ASAP1: variants seen among roughly 807,000 people sequenced by gnomAD.
The protein encoded by ASAP1 is ArfGAP with SH3 domain, ankyrin repeat and PH domain 1, also known as arf-GAP with SH3 domain, ANK repeat and PH domain-containing protein 1.
ASAP1 carries 43 observed loss-of-function variants against 145.2 expected under a neutral mutation model. The observed-to-expected ratio is 0.30, with a 90% CI of 0.23 to 0.38. The LOEUF (loss-of-function observed/expected upper bound fraction) is 0.38. Among genes scored for constraint, ASAP1 ranks in the 10% least tolerant of loss-of-function variants. ASAP1 has a pLI of 1.00. For missense variants in ASAP1, 1,018 were observed against 1,355.3 expected, an observed-to-expected ratio of 0.75 and a Z score of 3.91; for synonymous variants, 546 against 515.5, an observed-to-expected ratio of 1.06 and a Z score of -0.80.
At chr8:130,323,559 T>C (rs1467804827) in intron 3 of ASAP1, among the ~76,000 whole-genome samples, 1 of 152,152 alleles carries the variant, frequency 6.6e-6, no homozygotes, top group East Asian at 1.9e-4. Flanking sequence ...GCAGAAGAGC[T>C]GAAAGTTCTA....
chr8:130,203,816 C>G (rs1219082035), intron 5 of ASAP1, among the ~76,000 whole-genome samples: 1 of 152,188 alleles, frequency 6.6e-6, no homozygotes, highest in African/African-American at 2.4e-5. Flanking sequence ...GCTCTGGAGG[C>G]TTCTGGGACA....
At chr8:130,062,261 G>C (rs1474408108) in intron 27 of ASAP1, among the ~76,000 whole-genome samples, 1 of 152,182 alleles carries the variant, frequency 6.6e-6, no homozygotes, top group African/African-American at 2.4e-5. Context: ...TTAGGAATTT[G>C]ATCCTAAAAA....
intron 1 of ASAP1, among the ~76,000 whole-genome samples, chr8:130,440,504 CAA>C (rs1306930658): frequency 2.4e-4 from 27 of 111,598 alleles, no homozygotes; most frequent in Admixed American, 2.9e-4. Context: ...TAGACTCTGT[CAA>C]AAAAAAAAAA....
chr8:130,348,504 A>G (rs80068567), intron 3 of ASAP1, among the ~76,000 whole-genome samples: 4,268 of 152,282 alleles, frequency 0.028, 76 homozygotes, highest in Middle Eastern at 0.044. Flanking sequence ...AAACAGCACC[A>G]TGACAGAGGG....
intron 5 of ASAP1, among the ~76,000 whole-genome samples, chr8:130,188,629 G>C (rs1399835362): frequency 2.7e-5 from 4 of 150,340 alleles, no homozygotes; most frequent in Non-Finnish European, 5.9e-5. Flanking sequence ...AGCTACCTGG[G>C]AGGCTGAGGC....
Position 130,091,791 on chromosome 8 carries a change from T to C in ASAP1, c.2572+182A>G, listed in dbSNP as rs1297669145. Among the ~76,000 whole-genome samples, 5 of 152,206 alleles carry C rather than the reference T, an allele frequency of 3.3e-5. 1 individual carries two copies. Among genetic ancestry groups the C allele is most frequent in the Admixed American group, 3.3e-4 (5 of 15,276 alleles). ...TTTTAGTTTTTAATGGCCTAAATAT[T>C]TTTCAAAATGTTCCTTTCCCTTAAG... is the stretch of plus-strand genomic sequence containing the variant. On this transcript the variant is annotated intron_variant, in intron 25 of 29. Transcript: ENST00000518721.
intron 2 of ASAP1, among the ~76,000 whole-genome samples, chr8:130,365,521 C>T (rs1241341545): frequency 1.3e-5 from 2 of 152,150 alleles, no homozygotes; most frequent in East Asian, 1.9e-4. Context: ...GATAAAGTCA[C>T]ATTAACCTGA....
chr8:130,124,204 C>G lies in ASAP1; in HGVS notation c.1516-100G>C, dbSNP rs1216255747. ...TTTGAGATTTATGAATATGTATTTT[C>G]CCTCATTTGACTTAGAATACAAACC... On this transcript the variant is annotated intron_variant, in intron 17 of 29. Coordinates refer to ENST00000518721, the MANE Select transcript of ASAP1 (RefSeq NM_018482.4). The G allele has an allele frequency of 1.3e-5, 11 of 864,890 alleles. No individual in the cohort carries two copies. The East Asian group carries it at 2.9e-4, about 22-fold the overall frequency. The allele number at this position is 864,890 out of a possible 1,614,324, so 53.6% of individuals were successfully genotyped here.
intron 20 of ASAP1, among the ~76,000 whole-genome samples, chr8:130,117,389 AT>A (rs1421551465): frequency 6.6e-6 from 1 of 152,212 alleles, no homozygotes; most frequent in East Asian, 1.9e-4. Context: ...CAGGTAATCT[AT>A]CTCTGGAGCC....
At chr8:130,114,402 TG>T (rs2135602747) in intron 23 of ASAP1, among the ~76,000 whole-genome samples, 1 of 152,308 alleles carries the variant, frequency 6.6e-6, no homozygotes, top group South Asian at 2.1e-4. Flanking sequence ...AATAAAAACA[TG>T]TTATATAAGA....
intron 1 of ASAP1, among the ~76,000 whole-genome samples, chr8:130,402,442 C>G: frequency 6.6e-6 from 1 of 152,120 alleles, no homozygotes; most frequent in African/African-American, 2.4e-5. Flanking sequence ...CCCTCTGAAC[C>G]TGGGAGAGGA....
At chr8:130,373,127 C>CACACAA (rs1827305970) in intron 2 of ASAP1, among the ~76,000 whole-genome samples, 1 of 148,988 alleles carries the variant, frequency 6.7e-6, no homozygotes, top group Non-Finnish European at 1.5e-5. Flanking sequence ...CACACACACA[C>CACACAA]ACACACACAC....
intron 1 of ASAP1, among the ~76,000 whole-genome samples, chr8:130,413,171 T>G (rs1829336167): frequency 6.6e-6 from 1 of 152,230 alleles, no homozygotes; most frequent in South Asian, 2.1e-4. Flanking sequence ...CAAAGACTTA[T>G]CTTTCCTTTA....
rs146273927 is a variant in ASAP1, at chr8:130,057,093, G to A, written c.3315+861C>T. Among the ~76,000 whole-genome samples, 18 of 152,302 alleles carry A rather than the reference G, an allele frequency of 1.2e-4. No individual in the cohort carries two copies. In the East Asian group the frequency reaches 3.5e-3, roughly 29 times the overall value. On this transcript the variant is annotated intron_variant, in intron 29 of 29. Transcript: ENST00000518721. The stretch of plus-strand genomic sequence containing the variant: ...TCATTTAATCTTTTCCTAAAATTAC[G>A]TGGAGAAGGTGTCTTGGCCTATTTG...
At chr8:130,156,720 C>T (rs367788697) in intron 12 of ASAP1, among the ~76,000 whole-genome samples, 13 of 152,232 alleles carry the variant, frequency 8.5e-5, no homozygotes, top group South Asian at 4.1e-4. Context: ...ACTTACTGTC[C>T]GTATGATCTT....
chr8:130,204,946 T>C (rs980203423), intron 5 of ASAP1, among the ~76,000 whole-genome samples: 1 of 152,230 alleles, frequency 6.6e-6, no homozygotes, highest in African/African-American at 2.4e-5. Context: ...ATTACTTGTA[T>C]AGTAAAAGTT....
At chr8:130,261,743 G>A (rs931976868) in intron 3 of ASAP1, among the ~76,000 whole-genome samples, 3 of 152,110 alleles carry the variant, frequency 2.0e-5, no homozygotes, top group Non-Finnish European at 2.9e-5. Context: ...TAGTGTGAGT[G>A]CCTACATGGA....
At chr8:130,284,162 C>T (rs6982030) in intron 3 of ASAP1, among the ~76,000 whole-genome samples, 5,294 of 152,118 alleles carry the variant, frequency 0.035, 125 homozygotes, top group Middle Eastern at 0.065. Context: ...ATGTGTAGGG[C>T]GTCTTGAAAA....
intron 4 of ASAP1, among the ~76,000 whole-genome samples, chr8:130,234,424 C>T (rs538021780): frequency 1.1e-3 from 160 of 152,216 alleles, no homozygotes; most frequent in Middle Eastern, 3.4e-3. Context: ...AGCTGTACCA[C>T]CCCCATCCAC....
Sources: gnomAD v4.1 joint callset for allele counts (sites outside exome capture counted in the v4.1 genomes callset) on GRCh38, gnomAD v4.1.1 for gene constraint, MANE v1.5 for transcripts, NCBI Gene and HGNC (gene_info 2026-07-23, HGNC 2026-07-21) for gene names.